Variants in CDC42BPA observed in about 807,000 individuals in gnomAD.
The protein encoded by CDC42BPA is CDC42 binding protein kinase alpha.
A neutral mutation model predicts 223.5 loss-of-function variants in CDC42BPA; 80 were observed. The observed-to-expected ratio is 0.36, with a 90% CI of 0.30 to 0.43. The LOEUF (loss-of-function observed/expected upper bound fraction) is 0.43, where lower values mean the gene tolerates loss of function less well. CDC42BPA is among the 20% of genes least tolerant of loss of function. CDC42BPA has a pLI of 1.00. For synonymous variants in CDC42BPA, 694 were observed against 718.6 expected (o/e 0.97, Z 0.55); for missense variants, 1,743 against 2,099.9 (o/e 0.83, Z 3.32).
At chr1:227,207,155 T>A (rs1672896487) in intron 3 of CDC42BPA, among the ~76,000 whole-genome samples, 1 of 139,394 alleles carries the variant, frequency 7.2e-6, no homozygotes, top group Admixed American at 7.4e-5. Flanking sequence ...ATTGTTCAAT[T>A]CCCACCTATG....
At chr1:227,059,952 A>C (rs112107773) in intron 21 of CDC42BPA, among the ~76,000 whole-genome samples, 14,668 of 151,986 alleles carry the variant, frequency 0.097, 878 homozygotes, top group Middle Eastern at 0.16. Context: ...TAGTCAAAAG[A>C]GGGACTTTCA....
intron 35 of CDC42BPA, chr1:227,004,731 T>G: frequency 1.9e-6 from 1 of 523,710 alleles, no homozygotes; most frequent in Non-Finnish European, 3.5e-6. Context: ...TTTACTTCCT[T>G]CAGAGCCTTT....
intron 10 of CDC42BPA, among the ~76,000 whole-genome samples, chr1:227,131,326 A>G (rs1571858331): frequency 6.6e-6 from 1 of 152,244 alleles, no homozygotes; most frequent in Non-Finnish European, 1.5e-5. Context: ...TAAGTTAATC[A>G]TAATAATTCC....
In CDC42BPA at chr1:227,203,498, T is replaced by A. The variant is rs1398916393; in HGVS notation, c.355-3846A>T. ...TATACCCTGGGTATATATATATTCA[T>A]AAAGGTGCTCTGTGGATTCAACATG... On this transcript the variant is annotated intron_variant, in intron 3 of 36. Coordinates refer to ENST00000366766, the MANE Select transcript of CDC42BPA (RefSeq NM_001394014.1). Among the ~76,000 whole-genome samples, 3 of 152,140 alleles carry A rather than the reference T, an allele frequency of 2.0e-5. No homozygotes were observed. The East Asian group carries it at 5.8e-4, about 29-fold the overall frequency.
chr1:227,200,430 T>TAA (rs1472043982), intron 3 of CDC42BPA, among the ~76,000 whole-genome samples: 25,877 of 93,462 alleles, frequency 0.28, 2,723 homozygotes, highest in African/African-American at 0.38. Context: ...GACCTTGCCT[T>TAA]AAAAAACAAA....
In CDC42BPA at chr1:227,005,051, T is replaced by C. The variant is rs2297417; in HGVS notation, c.4918A>G (p.Thr1640Ala). 2.1e-3 allele frequency: 3,391 copies of C among 1,614,118 alleles called. 76 individuals are homozygous for C. The East Asian group carries it at 0.036, about 17-fold the overall frequency. ...FSGSVSIPSI[T>A]KSRPEPGRSM... Reference sequence around the variant, plus strand: ...CGGCCTGGCTCAGGGCGGGATTTGGTGATAGATGGAATACTGACTGAGCCA... The same window carrying C: ...CGGCCTGGCTCAGGGCGGGATTTGGCGATAGATGGAATACTGACTGAGCCA... Residue 1640 changes from threonine (T) to alanine (A), a missense_variant, in exon 35 of 37, where the codon ACC (threonine) becomes GCC (alanine). Thr to Ala is a moderately conservative substitution (Grantham distance 58). Transcript: ENST00000366766.
chr1:227,218,307 G>C (rs1221343779), intron 2 of CDC42BPA, among the ~76,000 whole-genome samples: 1 of 152,018 alleles, frequency 6.6e-6, no homozygotes, highest in Non-Finnish European at 1.5e-5. Flanking sequence ...TCACAACTTG[G>C]CCTTTAATAT....
chr1:227,291,493 G>C (rs115052889), intron 1 of CDC42BPA, among the ~76,000 whole-genome samples: 4 of 152,254 alleles, frequency 2.6e-5, no homozygotes, highest in African/African-American at 9.6e-5. Context: ...AGGTTGTAGT[G>C]AGCCAAAGTC....
intron 2 of CDC42BPA, among the ~76,000 whole-genome samples, chr1:227,246,072 T>A (rs1320313233): frequency 6.6e-6 from 1 of 152,140 alleles, no homozygotes; most frequent in East Asian, 1.9e-4. Context: ...GGGGGCCCAC[T>A]GCCTGAAGGG....
chr1:226,998,895 A>G (rs2148278740), intron 35 of CDC42BPA, among the ~76,000 whole-genome samples: 1 of 152,338 alleles, frequency 6.6e-6, no homozygotes, highest in African/African-American at 2.4e-5. Flanking sequence ...CCATCTATCC[A>G]TCTGACAAAG....
At chr1:227,149,268 C>T (rs911024664) in intron 6 of CDC42BPA, among the ~76,000 whole-genome samples, 2 of 152,220 alleles carry the variant, frequency 1.3e-5, no homozygotes, top group East Asian at 1.9e-4. Context: ...AAATGCACAC[C>T]GCTTCTGTGG....
intron 5 of CDC42BPA, among the ~76,000 whole-genome samples, chr1:227,173,319 C>T (rs1666412581): frequency 6.6e-6 from 1 of 152,142 alleles, no homozygotes; most frequent in Non-Finnish European, 1.5e-5. Flanking sequence ...TAGTGAAGGC[C>T]TAATCTTGCC....
chr1:227,308,711 C>G (rs1692993458), intron 1 of CDC42BPA, among the ~76,000 whole-genome samples: 1 of 152,084 alleles, frequency 6.6e-6, no homozygotes, highest in African/African-American at 2.4e-5. Context: ...AGTCTTAATC[C>G]AAAACCCCTT....
chr1:227,096,392 C>G (rs576482323), intron 15 of CDC42BPA, among the ~76,000 whole-genome samples: 2 of 152,242 alleles, frequency 1.3e-5, no homozygotes, highest in African/African-American at 4.8e-5. Flanking sequence ...CTCCCCATAC[C>G]CTGTGTCACA....
chr1:227,123,014 T>G (rs1320264842), intron 11 of CDC42BPA, among the ~76,000 whole-genome samples: 4 of 152,172 alleles, frequency 2.6e-5, no homozygotes, highest in African/African-American at 9.7e-5. Context: ...TAGAAAAAGC[T>G]GTACTAGGCC....
chr1:227,317,557 G>A lies in CDC42BPA; in HGVS notation c.-375C>T, dbSNP rs1478876583. 5 of 395,268 alleles carry A rather than the reference G, an allele frequency of 1.3e-5. No homozygotes were observed. Among genetic ancestry groups the A allele is most frequent in the Non-Finnish European group, 2.2e-5 (5 of 225,704 alleles). 24.5% of individuals were successfully genotyped at this position (395,268 alleles called of 1,614,324 possible). On this transcript the variant is annotated 5_prime_UTR_variant, in exon 1 of 37. It adds an upstream start codon to the 5' untranslated region. Transcript: ENST00000366766. ...TTCTCCTTCATTCAAAATTCAACTC[G>A]TGCAACGTAATCCTGAAACGAATCC...
chr1:227,170,038 C>G (rs374605591), intron 5 of CDC42BPA, among the ~76,000 whole-genome samples: 2 of 152,134 alleles, frequency 1.3e-5, no homozygotes, highest in South Asian at 4.1e-4. Flanking sequence ...ACATTTTCAT[C>G]TAGAACCTTG....
chr1:227,300,330 A>C (rs1309219878), intron 1 of CDC42BPA, among the ~76,000 whole-genome samples: 1 of 152,164 alleles, frequency 6.6e-6, no homozygotes, highest in Admixed American at 6.6e-5. Context: ...TACTCAAAGG[A>C]AAATAAGTCA....
chr1:227,107,512 C>T (rs34169114), intron 14 of CDC42BPA, among the ~76,000 whole-genome samples: 21,337 of 152,122 alleles, frequency 0.14, 1,885 homozygotes, highest in South Asian at 0.34. Flanking sequence ...TCTCGACCTC[C>T]GAAGTCTCAG....
Sources: allele counts gnomAD v4.1 joint callset (sites outside exome capture counted in the v4.1 genomes callset), GRCh38; gene constraint gnomAD v4.1.1; transcripts MANE v1.5; gene names NCBI Gene and HGNC (gene_info 2026-07-23, HGNC 2026-07-21).